The following ANXA8 variants were observed in gnomAD, a reference collection of about 807,000 sequenced individuals.
ANXA8 encodes VAC-beta.
In ANXA8, 9 loss-of-function variants were observed where a neutral mutation model predicts 26.8. That is an observed-to-expected ratio of 0.34 (90% CI 0.20 to 0.59). ANXA8 has a LOEUF of 0.59. ANXA8 is among the 20% of genes least tolerant of loss of function. ANXA8 has a pLI of 0.84. For synonymous variants in ANXA8, 39 were observed against 94.8 expected (o/e 0.41, Z 3.42); for missense variants, 83 against 238.5 (o/e 0.35, Z 4.29).
chr10:47,568,539 T>TTTG, the ANXA8 span, among the ~76,000 whole-genome samples: 4 of 45,460 alleles, frequency 8.8e-5, no homozygotes, highest in South Asian at 8.6e-4. Context: ...TTGGTTTTGT[T>TTTG]TTTATGAGTC....
chr10:47,589,896 AGATAGAT>A, the ANXA8 span, among the ~76,000 whole-genome samples: 1,166 of 128,506 alleles, frequency 9.1e-3, 192 homozygotes, highest in African/African-American at 0.044. Flanking sequence ...GGGGAAAGAT[AGATAGAT>A]GATAGATAGA....
the ANXA8 span, among the ~76,000 whole-genome samples, chr10:47,951,226 T>G: frequency 1.3e-5 from 2 of 150,412 alleles, no homozygotes; most frequent in African/African-American, 4.9e-5. Flanking sequence ...GAAAAATTAC[T>G]AAAGCCCAGT....
At chr10:47,656,136 C>T in the ANXA8 span, among the ~76,000 whole-genome samples, 1 of 151,622 alleles carries the variant, frequency 6.6e-6, no homozygotes, top group African/African-American at 2.4e-5. Flanking sequence ...GTGGCTCACG[C>T]CTATAATCCC....
the ANXA8 span, among the ~76,000 whole-genome samples, chr10:47,551,105 C>G: frequency 1.3e-4 from 20 of 151,666 alleles, no homozygotes; most frequent in Admixed American, 7.2e-4. Context: ...ATTAAACACA[C>G]CTTAAATCTG....
chr10:47,639,576 A>C, the ANXA8 span, among the ~76,000 whole-genome samples: 1 of 150,114 alleles, frequency 6.7e-6, no homozygotes, highest in Non-Finnish European at 1.5e-5. Flanking sequence ...TCGGCCTCCC[A>C]AAGTGCTGGG....
At chr10:47,656,162 C>T in the ANXA8 span, among the ~76,000 whole-genome samples, 5 of 151,700 alleles carry the variant, frequency 3.3e-5, no homozygotes, top group African/African-American at 1.2e-4. Context: ...TTTGGGAGGC[C>T]GAGGTGGGCA....
chr10:47,554,110 AAAATAAAT>A, the ANXA8 span, among the ~76,000 whole-genome samples: 108 of 129,898 alleles, frequency 8.3e-4, 1 homozygote, highest in South Asian at 0.013. Context: ...CATCTCTCAA[AAAATAAAT>A]AAATAAATAA....
At chr10:47,514,049 T>C in the ANXA8 span, among the ~76,000 whole-genome samples, 2 of 141,362 alleles carry the variant, frequency 1.4e-5, no homozygotes, top group Admixed American at 7.2e-5. Context: ...ACTAAAGAGC[T>C]TCTGCACAGG....
chr10:47,974,249 T>C, the ANXA8 span, among the ~76,000 whole-genome samples: 1 of 148,736 alleles, frequency 6.7e-6, no homozygotes, highest in African/African-American at 2.4e-5. Context: ...TGAATTGTAA[T>C]ATCTTTGTCA....
chr10:47,585,312 G>C, the ANXA8 span, among the ~76,000 whole-genome samples: 4 of 135,316 alleles, frequency 3.0e-5, no homozygotes, highest in Admixed American at 2.9e-4. Context: ...AGGAAATACA[G>C]TGATTCAAAT....
the ANXA8 span, among the ~76,000 whole-genome samples, chr10:47,644,415 T>C: frequency 6.6e-6 from 1 of 152,014 alleles, no homozygotes; most frequent in African/African-American, 2.4e-5. Context: ...AACTCTGCTG[T>C]TGCAGTGAGA....
the ANXA8 span, chr10:47,564,700 G>A: frequency 1.7e-6 from 1 of 589,512 alleles, no homozygotes. Flanking sequence ...TGCTACCCAT[G>A]AGCCTCTCCC....
the ANXA8 span, among the ~76,000 whole-genome samples, chr10:47,496,964 G>A: frequency 9.2e-3 from 1,310 of 142,102 alleles, 27 homozygotes; most frequent in African/African-American, 0.033. Flanking sequence ...CCCCTCATAG[G>A]GGGAAAGATC....
the ANXA8 span, among the ~76,000 whole-genome samples, chr10:47,767,846 AG>A: frequency 6.7e-6 from 1 of 149,356 alleles, no homozygotes; most frequent in African/African-American, 2.5e-5. Context: ...CACGTGGAGG[AG>A]CCAGAGAGGA....
chr10:47,675,970 A>T, the ANXA8 span, among the ~76,000 whole-genome samples: 1 of 151,540 alleles, frequency 6.6e-6, no homozygotes, highest in Non-Finnish European at 1.5e-5. Flanking sequence ...ACTAGCAGAG[A>T]CCAGGGAAAA....
the ANXA8 span, chr10:47,510,187 T>C: frequency 7.2e-7 from 1 of 1,388,836 alleles, no homozygotes; most frequent in Non-Finnish European, 9.7e-7. Flanking sequence ...ATTGTCATTG[T>C]AAGATAATGC....
the ANXA8 span, among the ~76,000 whole-genome samples, chr10:47,733,241 T>TTCTCTCTTTCTTTCTC: frequency 1.5e-5 from 1 of 66,364 alleles, no homozygotes; most frequent in African/African-American, 6.8e-5. Context: ...CTCTCTTTCT[T>TTCTCTCTTTCTTTCTC]TCTTTCTTTC....
the ANXA8 span, among the ~76,000 whole-genome samples, chr10:47,606,046 A>G: frequency 6.7e-6 from 1 of 149,146 alleles, no homozygotes; most frequent in South Asian, 2.1e-4. Flanking sequence ...TTATAACCAC[A>G]TGGGTGAACA....
the ANXA8 span, among the ~76,000 whole-genome samples, chr10:47,744,646 T>G: frequency 6.6e-6 from 1 of 151,866 alleles, no homozygotes; most frequent in African/African-American, 2.4e-5. Flanking sequence ...AATATCACAA[T>G]CCGGCGTCAT....
Sources: allele counts gnomAD v4.1 joint callset (sites outside exome capture counted in the v4.1 genomes callset), GRCh38; gene constraint gnomAD v4.1.1; transcripts MANE v1.5; gene names NCBI Gene and HGNC (gene_info 2026-07-23, HGNC 2026-07-21).